Variants in FMN1 observed in about 807,000 individuals in gnomAD.
FMN1 encodes formin 1.
FMN1 carries 110 observed loss-of-function variants against 132.4 expected under a neutral mutation model. The observed-to-expected ratio is 0.83, with a 90% confidence interval of 0.71 to 0.97. The LOEUF is 0.97. Ranked by LOEUF, FMN1 falls within the 50% of genes least tolerant of loss-of-function variation. The probability of loss-of-function intolerance (pLI) is 0.00; values close to 1 mark genes in which losing one functional copy is unlikely to be tolerated. For synonymous variants in FMN1, 722 were observed against 651.7 expected (o/e 1.11, Z -1.64); for missense variants, 1,792 against 1,705.3 (o/e 1.05, Z -0.90).
intron 6 of FMN1, among the ~76,000 whole-genome samples, chr15:33,060,059 A>G (rs991344052): frequency 5.9e-5 from 9 of 152,220 alleles, no homozygotes; most frequent in African/African-American, 1.7e-4. Flanking sequence ...CTGCACCCAC[A>G]AACTGCAAGA....
At chr15:32,855,996 T>G (rs951311877) in intron 17 of FMN1, among the ~76,000 whole-genome samples, 4 of 152,212 alleles carry the variant, frequency 2.6e-5, no homozygotes. Flanking sequence ...TGACTTCTCC[T>G]ACTTCAATAC....
At chr15:32,829,300 C>A (rs539612834) in intron 17 of FMN1, among the ~76,000 whole-genome samples, 5 of 152,192 alleles carry the variant, frequency 3.3e-5, no homozygotes, top group Non-Finnish European at 7.3e-5. Context: ...TAAAAACATG[C>A]GCTCCGGCGA....
chr15:33,049,140 G>A (rs983594598), intron 6 of FMN1, among the ~76,000 whole-genome samples: 2 of 152,136 alleles, frequency 1.3e-5, no homozygotes, highest in African/African-American at 2.4e-5. Flanking sequence ...CCATCATTTT[G>A]TGTGTCAAAA....
In FMN1 at chr15:33,015,211, C is replaced by T. The variant is rs74014142; in HGVS notation, c.2162-7136G>A. Among the ~76,000 whole-genome samples, 314 of 152,280 alleles carry T rather than the reference C, an allele frequency of 2.1e-3. 1 individual carries two copies. The highest frequency in any genetic ancestry group is 7.2e-3 in the African/African-American group (299 of 41,544). On this transcript the variant is annotated intron_variant, in intron 6 of 20. Coordinates refer to ENST00000616417, the MANE Select transcript of FMN1 (RefSeq NM_001277313.2). Reference sequence around the variant, plus strand: ...CATAAGCAGCAGATGCAAACAAAACCCCAAGCCTCTGTAAACTTCAAAGTT... The same window carrying T: ...CATAAGCAGCAGATGCAAACAAAACTCCAAGCCTCTGTAAACTTCAAAGTT...
chr15:33,138,512 G>T (rs1308102784), intron 4 of FMN1, among the ~76,000 whole-genome samples: 1 of 151,926 alleles, frequency 6.6e-6, no homozygotes, highest in Non-Finnish European at 1.5e-5. Flanking sequence ...CCTTCCTCTT[G>T]TCTAACCTCT....
At chr15:33,020,325 C>T (rs1596486590) in intron 6 of FMN1, among the ~76,000 whole-genome samples, 1 of 152,024 alleles carries the variant, frequency 6.6e-6, no homozygotes, top group Admixed American at 6.5e-5. Context: ...AAACCGACCC[C>T]CCCAACCCCC....
chr15:33,160,557 G>GA (rs755705265), intron 3 of FMN1, among the ~76,000 whole-genome samples: 2 of 152,128 alleles, frequency 1.3e-5, no homozygotes, highest in Non-Finnish European at 2.9e-5. Flanking sequence ...AGTCCTAAGA[G>GA]AAAAAAAGCA....
chr15:33,016,325 T>C (rs2035043770), intron 6 of FMN1, among the ~76,000 whole-genome samples: 1 of 152,026 alleles, frequency 6.6e-6, no homozygotes, highest in African/African-American at 2.4e-5. Context: ...TAAGGCAGAG[T>C]CACAAGTCAT....
intron 6 of FMN1, among the ~76,000 whole-genome samples, chr15:33,042,380 G>C (rs1349873100): frequency 6.6e-6 from 1 of 152,068 alleles, no homozygotes; most frequent in Non-Finnish European, 1.5e-5. Context: ...TAGCTCTTGA[G>C]AAAATGACCT....
chr15:33,059,489 C>T (rs541440145), intron 6 of FMN1, among the ~76,000 whole-genome samples: 3 of 152,116 alleles, frequency 2.0e-5, no homozygotes, highest in South Asian at 2.1e-4. Flanking sequence ...CCATAATGGC[C>T]GTACTAATTT....
intron 10 of FMN1, among the ~76,000 whole-genome samples, chr15:32,915,775 A>G (rs2060670175): frequency 6.6e-6 from 1 of 152,274 alleles, no homozygotes. Context: ...TGCAATATCA[A>G]TCACTGCTGG....
Position 32,950,060 on chromosome 15 carries a change from T to TATATATACAC in FMN1, c.3138+14046_3138+14047insGTGTATATAT, listed in dbSNP as rs1567449875. On this transcript the variant is annotated intron_variant, in intron 9 of 20. Transcript: ENST00000616417. The stretch of plus-strand genomic sequence containing the variant: ...ACATATATATATATATACACATATA[T>TATATATACAC]ATATATATATATATATATATTAAAA... 6.2e-5 allele frequency among the ~76,000 whole-genome samples: 5 copies of TATATATACAC among 80,662 alleles called. 1 individual carries two copies. The highest frequency in any genetic ancestry group is 2.3e-5 in the Non-Finnish European group (1 of 43,892). 52.9% of individuals were successfully genotyped at this position (80,662 alleles called of 152,430 possible).
At chr15:32,996,822 C>T (rs2033799369) in intron 7 of FMN1, among the ~76,000 whole-genome samples, 1 of 152,130 alleles carries the variant, frequency 6.6e-6, no homozygotes, top group Non-Finnish European at 1.5e-5. Context: ...ATTTATCACA[C>T]ATGAACACAC....
At chr15:33,001,062 C>T (rs2034073942) in intron 7 of FMN1, among the ~76,000 whole-genome samples, 1 of 152,200 alleles carries the variant, frequency 6.6e-6, no homozygotes, top group Admixed American at 6.5e-5. Flanking sequence ...ACGGGTGGAT[C>T]ACTTGTGGTC....
At chr15:33,128,879 C>A (rs1963406250) in intron 4 of FMN1, among the ~76,000 whole-genome samples, 1 of 152,228 alleles carries the variant, frequency 6.6e-6, no homozygotes, top group Non-Finnish European at 1.5e-5. Context: ...GCGTGCGTGG[C>A]CAGCTTTTAT....
chr15:32,900,879 C>T (rs960009256), intron 13 of FMN1, among the ~76,000 whole-genome samples: 1 of 152,044 alleles, frequency 6.6e-6, no homozygotes, highest in Non-Finnish European at 1.5e-5. Context: ...AATGGCTGGG[C>T]ACGGTGGCTC....
At chr15:33,016,964 C>T (rs2035085347) in intron 6 of FMN1, among the ~76,000 whole-genome samples, 2 of 152,164 alleles carry the variant, frequency 1.3e-5, no homozygotes, top group Admixed American at 1.3e-4. Flanking sequence ...GTCTCGCTTT[C>T]CCCAGAGGTC....
At chr15:33,104,155 A>G (rs1484806611) in intron 4 of FMN1, among the ~76,000 whole-genome samples, 1 of 152,162 alleles carries the variant, frequency 6.6e-6, no homozygotes, top group East Asian at 1.9e-4. Context: ...AAACGACTTC[A>G]CCAAATGATA....
Position 33,153,540 on chromosome 15 carries a change from T to TC in FMN1, c.1374dup (p.Arg459GlufsTer23), listed in dbSNP as rs1422446912. The TC allele has an allele frequency of 6.5e-7, 1 of 1,536,178 alleles. No homozygotes were observed. The highest frequency in any genetic ancestry group is 8.7e-7 in the Non-Finnish European group (1 of 1,146,958). On this transcript the variant is annotated frameshift_variant, in exon 4 of 21. Coordinates refer to ENST00000616417, the MANE Select transcript of FMN1 (RefSeq NM_001277313.2). LOFTEE classifies it high-confidence loss of function. ...TGGCCACCAAGGGGCAACCCGGCTC[T>TC]CCTCTTGTTTCTCGTTTCTGGGCGA...
Sources: allele counts gnomAD v4.1 joint callset (sites outside exome capture counted in the v4.1 genomes callset), GRCh38; gene constraint gnomAD v4.1.1; transcripts MANE v1.5; gene names NCBI Gene and HGNC (gene_info 2026-07-23, HGNC 2026-07-21).